The following CDK5RAP2 variants were observed in gnomAD, a reference collection of about 807,000 sequenced individuals.
CDK5RAP2 encodes CDK5 regulatory subunit-associated protein 2.
In CDK5RAP2, 147 loss-of-function variants were observed where a neutral mutation model predicts 232.9. The observed-to-expected ratio is 0.63, with a 90% CI of 0.55 to 0.72. CDK5RAP2 has a LOEUF of 0.72. Ranked by LOEUF, CDK5RAP2 falls within the 30% of genes least tolerant of loss-of-function variation. The pLI is 0.00. For synonymous variants in CDK5RAP2, 833 were observed against 833.7 expected (o/e 1.00, Z 0.01); for missense variants, 2,195 against 2,231.5 (o/e 0.98, Z 0.33).
chr9:120,422,772 G>T, intron 25 of CDK5RAP2, 31 bp from the exon 26 acceptor site: 2 of 1,584,558 alleles, frequency 1.3e-6, no homozygotes, highest in South Asian at 1.1e-5. Context: ...AAGAAAGGAG[G>T]AGAAAAAAAT....
chr9:120,492,373 T>C (rs1331044671), intron 12 of CDK5RAP2, among the ~76,000 whole-genome samples: 2 of 152,192 alleles, frequency 1.3e-5, no homozygotes, highest in Non-Finnish European at 2.9e-5. Flanking sequence ...GAAATAAGTA[T>C]GGATAGCATA....
At chr9:120,555,643 T>C (rs2042202407) in intron 3 of CDK5RAP2, among the ~76,000 whole-genome samples, 2 of 152,248 alleles carry the variant, frequency 1.3e-5, no homozygotes, top group African/African-American at 4.8e-5. Context: ...TAGATATAGT[T>C]TGGCAATTTC....
chr9:120,539,775 T>A (rs2041549338), intron 5 of CDK5RAP2, among the ~76,000 whole-genome samples: 1 of 152,192 alleles, frequency 6.6e-6, no homozygotes, highest in African/African-American at 2.4e-5. Context: ...AGAAAGGGAA[T>A]AGCTGGGTCA....
intron 25 of CDK5RAP2, among the ~76,000 whole-genome samples, chr9:120,430,755 T>C (rs1479190042): frequency 6.6e-6 from 1 of 151,812 alleles, no homozygotes; most frequent in Non-Finnish European, 1.5e-5. Flanking sequence ...AGCCATCCCA[T>C]TACTGGGTAT....
At position 120,422,864 on chromosome 9, in the gene CDK5RAP2, C is replaced by A. The variant is rs1286192263; in HGVS notation, c.3956-123G>T. 6.8e-6 allele frequency: 5 copies of A among 736,368 alleles called. No homozygotes were observed. In the Admixed American group the frequency reaches 9.9e-5, roughly 15 times the overall value. 45.6% of individuals were successfully genotyped at this position (736,368 alleles called of 1,614,324 possible). A position where few individuals can be genotyped will look rare whatever the true frequency, so the allele number is the denominator to read the frequency against. ...ACTTGTTTAAACACTCTGTAACAAT[C>A]CTGGATATTTAAAGTAGGATTACCA... On this transcript the variant is annotated intron_variant, in intron 25 of 37. Coordinates refer to ENST00000349780, the MANE Select transcript of CDK5RAP2 (RefSeq NM_018249.6).
chr9:120,523,378 T>C (rs1588562174), intron 11 of CDK5RAP2, among the ~76,000 whole-genome samples: 1 of 152,212 alleles, frequency 6.6e-6, no homozygotes, highest in African/African-American at 2.4e-5. Context: ...ATGGAAAACA[T>C]AATTTTCCTA....
In CDK5RAP2 at chr9:120,471,896, C is replaced by G. The variant is rs764937656; in HGVS notation, c.1728-18G>C. The stretch of plus-strand genomic sequence containing the variant: ...TGTTGATACTTGGTAAAACAAGACA[C>G]CAGAAGTTTTAAAACAGACCTATTT... On this transcript the variant is annotated intron_variant, in intron 15 of 37. Transcript: ENST00000349780. 6 of 1,613,804 alleles carry G rather than the reference C, an allele frequency of 3.7e-6. No individual in the cohort carries two copies. In the African/African-American group the frequency reaches 6.7e-5, roughly 18 times the overall value.
At position 120,470,280 on chromosome 9, in the gene CDK5RAP2, A is replaced by G. The variant is rs907485383; in HGVS notation, c.1859-60T>C. The G allele has an allele frequency of 1.7e-5, 14 of 807,288 alleles. No homozygotes were observed. In the African/African-American group the frequency reaches 2.4e-4, roughly 14 times the overall value. The allele number at this position is 807,288 out of a possible 1,614,324, so 50.0% of individuals were successfully genotyped here. ...GGAGGAGAAAAAGAATATCAGAAAC[A>G]GATCCTCCCAAGACTGACCCCAGTG... On this transcript the variant is annotated intron_variant, in intron 16 of 37. Transcript: ENST00000349780.
chr9:120,470,828 T>A (rs2037662121), intron 16 of CDK5RAP2, among the ~76,000 whole-genome samples: 1 of 151,998 alleles, frequency 6.6e-6, no homozygotes, highest in Non-Finnish European at 1.5e-5. Context: ...AAGATGTGTG[T>A]ATATGTGTAC....
intron 5 of CDK5RAP2, among the ~76,000 whole-genome samples, chr9:120,544,494 T>A (rs1383277051): frequency 1.3e-5 from 2 of 152,254 alleles, no homozygotes; most frequent in Non-Finnish European, 2.9e-5. Context: ...AGCCTGGGCC[T>A]GGCATCCTCT....
At chr9:120,472,114 CT>C (rs1223713439) in intron 15 of CDK5RAP2, among the ~76,000 whole-genome samples, 2 of 152,202 alleles carry the variant, frequency 1.3e-5, no homozygotes, top group African/African-American at 4.8e-5. Flanking sequence ...ATCTTTTCCC[CT>C]ATGCGTAATT....
At chr9:120,530,706 A>G (rs1176403166) in intron 7 of CDK5RAP2, among the ~76,000 whole-genome samples, 1 of 152,020 alleles carries the variant, frequency 6.6e-6, no homozygotes, top group Non-Finnish European at 1.5e-5. Flanking sequence ...TGTCCTTTGT[A>G]GGGACATGGA....
chr9:120,394,914 T>A (rs2032328081), intron 35 of CDK5RAP2, among the ~76,000 whole-genome samples: 2 of 152,180 alleles, frequency 1.3e-5, no homozygotes, highest in Non-Finnish European at 2.9e-5. Context: ...GAGATGCGCT[T>A]AACTCTTTGC....
intron 22 of CDK5RAP2, among the ~76,000 whole-genome samples, chr9:120,444,089 C>T (rs953655127): frequency 5.3e-5 from 8 of 152,080 alleles, no homozygotes; most frequent in African/African-American, 9.7e-5. Flanking sequence ...TCTGGTGTCT[C>T]AGCAAAAAAT....
rs117908175 is a variant in CDK5RAP2, at chr9:120,456,309, T to C, written c.2375+2141A>G. Among the ~76,000 whole-genome samples, 17 of 152,332 alleles carry C rather than the reference T, an allele frequency of 1.1e-4. No homozygotes were observed. The East Asian group carries it at 3.1e-3, about 28-fold the overall frequency. Reference sequence around the variant, plus strand: ...TCACTTCGGTTTCTACTACCTGCTCTATTTCTAGAAACCTGGTGAAACAGT... The same window carrying C: ...TCACTTCGGTTTCTACTACCTGCTCCATTTCTAGAAACCTGGTGAAACAGT... On this transcript the variant is annotated intron_variant, in intron 20 of 37. Transcript: ENST00000349780.
At chr9:120,565,042 C>T (rs1441971335) in intron 3 of CDK5RAP2, among the ~76,000 whole-genome samples, 1 of 152,192 alleles carries the variant, frequency 6.6e-6, no homozygotes, top group Non-Finnish European at 1.5e-5. Flanking sequence ...GGATATTAGA[C>T]AATGGATTAC....
chr9:120,482,330 C>T (rs528187833), intron 14 of CDK5RAP2, among the ~76,000 whole-genome samples: 1 of 152,292 alleles, frequency 6.6e-6, no homozygotes, highest in South Asian at 2.1e-4. Context: ...TCAGTTCAGG[C>T]TCTTTTCTTC....
chr9:120,454,205 T>C (rs889580841), intron 20 of CDK5RAP2, among the ~76,000 whole-genome samples: 1 of 152,202 alleles, frequency 6.6e-6, no homozygotes, highest in African/African-American at 2.4e-5. Context: ...AAGGTGACCA[T>C]GACAATTACA....
chr9:120,453,415 T>C (rs2036579741), intron 21 of CDK5RAP2, 41 bp downstream of exon 21: 2 of 1,553,940 alleles, frequency 1.3e-6, no homozygotes, highest in East Asian at 4.5e-5. Context: ...GTTTTTTGTT[T>C]GGATAAAGTA....
Sources: allele counts gnomAD v4.1 joint callset (sites outside exome capture counted in the v4.1 genomes callset), GRCh38; gene constraint gnomAD v4.1.1; transcripts MANE v1.5; gene names NCBI Gene and HGNC (gene_info 2026-07-23, HGNC 2026-07-21).